LINGO2: variants seen among roughly 807,000 people sequenced by gnomAD.
The protein encoded by LINGO2 is leucine rich repeat and Ig domain containing 2, also known as leucine-rich repeat and immunoglobulin-like domain-containing nogo receptor-interacting protein 2.
LINGO2 carries 14 observed loss-of-function variants against 30.6 expected under a neutral mutation model. The observed-to-expected ratio is 0.46, with a 90% CI of 0.30 to 0.72. The LOEUF (loss-of-function observed/expected upper bound fraction) is 0.72, where lower values mean the gene tolerates loss of function less well. Among genes scored for constraint, LINGO2 ranks in the 30% least tolerant of loss-of-function variants. The probability of loss-of-function intolerance (pLI) is 0.07; values close to 1 mark genes in which losing one functional copy is unlikely to be tolerated. For synonymous variants in LINGO2, 317 were observed against 288.5 expected (o/e 1.10, Z -1.00); for missense variants, 729 against 751.7 (o/e 0.97, Z 0.35).
chr9:28,482,769 T>C (rs929443450), intron 1 of LINGO2, among the ~76,000 whole-genome samples: 2 of 152,046 alleles, frequency 1.3e-5, no homozygotes, highest in Non-Finnish European at 2.9e-5. Flanking sequence ...TAATAAATGG[T>C]GCTGGGAAAA....
intron 4 of LINGO2, among the ~76,000 whole-genome samples, chr9:28,149,919 G>T (rs1183749939): frequency 6.7e-6 from 1 of 149,390 alleles, no homozygotes; most frequent in Non-Finnish European, 1.5e-5. Context: ...CCGCCGTCCT[G>T]TCTGCGAAGT....
intron 4 of LINGO2, among the ~76,000 whole-genome samples, chr9:28,139,115 T>TA (rs1827602902): frequency 6.6e-6 from 1 of 152,164 alleles, no homozygotes; most frequent in African/African-American, 2.4e-5. Context: ...AGTGCATCAT[T>TA]ATCTGCCAGT....
At chr9:28,596,895 C>G (rs552944006) in intron 1 of LINGO2, among the ~76,000 whole-genome samples, 1 of 152,248 alleles carries the variant, frequency 6.6e-6, no homozygotes, top group African/African-American at 2.4e-5. Flanking sequence ...TATCCAGGCA[C>G]CCGGTAAACA....
At chr9:28,019,379 A>G (rs1823002476) in intron 4 of LINGO2, among the ~76,000 whole-genome samples, 1 of 151,688 alleles carries the variant, frequency 6.6e-6, no homozygotes, top group Non-Finnish European at 1.5e-5. Flanking sequence ...GCTCACCACA[A>G]CTAGTGAGTG....
chr9:28,007,713 T>A (rs1822336421), intron 5 of LINGO2, among the ~76,000 whole-genome samples: 1 of 152,058 alleles, frequency 6.6e-6, no homozygotes. Flanking sequence ...ACATCAGTGG[T>A]TTCCTAAATG....
intron 4 of LINGO2, among the ~76,000 whole-genome samples, chr9:28,015,403 T>C (rs987680599): frequency 3.3e-5 from 5 of 152,126 alleles, no homozygotes; most frequent in African/African-American, 4.8e-5. Context: ...AGGGCAATAA[T>C]GTATTGAGGA....
At chr9:28,003,382 G>GATAGATAGATAGATAT (rs1406268724) in intron 5 of LINGO2, among the ~76,000 whole-genome samples, 1 of 137,006 alleles carries the variant, frequency 7.3e-6, no homozygotes, top group African/African-American at 2.8e-5. Flanking sequence ...TAGATAGATA[G>GATAGATAGATAGATAT]ATATAGAGAG....
At chr9:28,682,490 G>C in the LINGO2 span, among the ~76,000 whole-genome samples, 1 of 152,178 alleles carries the variant, frequency 6.6e-6, no homozygotes, top group South Asian at 2.1e-4. Context: ...TATTAACACA[G>C]GATATTGCTT....
At chr9:28,579,966 G>T (rs1446805286) in intron 1 of LINGO2, among the ~76,000 whole-genome samples, 2 of 152,078 alleles carry the variant, frequency 1.3e-5, no homozygotes, top group Non-Finnish European at 2.9e-5. Flanking sequence ...GTGAAGTTGG[G>T]CAGGCTGTCA....
chr9:29,162,365 T>A, the LINGO2 span, among the ~76,000 whole-genome samples: 1 of 152,242 alleles, frequency 6.6e-6, no homozygotes. Context: ...GAAGCCACTT[T>A]ATGAATTCAT....
At chr9:28,123,670 A>G (rs1053542511) in intron 4 of LINGO2, among the ~76,000 whole-genome samples, 1 of 147,584 alleles carries the variant, frequency 6.8e-6, no homozygotes, top group Non-Finnish European at 1.5e-5. Flanking sequence ...AAAATATTTG[A>G]TTTTTTTTTT....
chr9:28,998,073 C>T, the LINGO2 span, among the ~76,000 whole-genome samples: 1 of 152,172 alleles, frequency 6.6e-6, no homozygotes, highest in East Asian at 1.9e-4. Context: ...AGATTTGAAC[C>T]TAGGTCTCTT....
At chr9:28,894,551 T>G in the LINGO2 span, among the ~76,000 whole-genome samples, 1 of 151,968 alleles carries the variant, frequency 6.6e-6, no homozygotes, top group African/African-American at 2.4e-5. Flanking sequence ...TCTTCTTTTT[T>G]AGTTTATTTT....
At chr9:28,883,628 G>GTGTGTGTGTA in the LINGO2 span, among the ~76,000 whole-genome samples, 19 of 64,172 alleles carry the variant, frequency 3.0e-4, no homozygotes, top group East Asian at 1.5e-3. Flanking sequence ...ATGTGTGTGT[G>GTGTGTGTGTA]TATATATATA....
At chr9:28,401,118 C>T (rs553462111) in intron 2 of LINGO2, among the ~76,000 whole-genome samples, 31 of 152,178 alleles carry the variant, frequency 2.0e-4, no homozygotes, top group African/African-American at 7.5e-4. Context: ...AAGTGAAAGA[C>T]ATGTAGTGAC....
At position 28,470,053 on chromosome 9, in the gene LINGO2, C is replaced by T. The variant is rs563239566; in HGVS notation, c.-279+5887G>A. 5.3e-5 allele frequency among the ~76,000 whole-genome samples: 8 copies of T among 152,038 alleles called. No individual in the cohort carries two copies. In the South Asian group the frequency reaches 8.3e-4, roughly 16 times the overall value. ...CCCTTTATGTATATGTATATATAGA[C>T]GTAATTTGTGAAATCAATAACATAA... On this transcript the variant is annotated intron_variant, in intron 2 of 5. Coordinates refer to ENST00000379992, the Ensembl canonical transcript of LINGO2.
the LINGO2 span, among the ~76,000 whole-genome samples, chr9:28,897,122 C>G: frequency 6.6e-6 from 1 of 152,124 alleles, no homozygotes; most frequent in African/African-American, 2.4e-5. Context: ...TAATGTGTTA[C>G]TACATAGTTT....
chr9:28,920,670 G>C, the LINGO2 span, among the ~76,000 whole-genome samples: 1 of 152,110 alleles, frequency 6.6e-6, no homozygotes, highest in Non-Finnish European at 1.5e-5. Context: ...AAAGAATGTA[G>C]TAAGTCCTTG....
chr9:29,167,312 A>G, the LINGO2 span, among the ~76,000 whole-genome samples: 1 of 152,102 alleles, frequency 6.6e-6, no homozygotes, highest in Non-Finnish European at 1.5e-5. Flanking sequence ...GAATATTCAT[A>G]ATGCAGGAAA....
Sources: allele counts gnomAD v4.1 joint callset (sites outside exome capture counted in the v4.1 genomes callset), GRCh38; gene constraint gnomAD v4.1.1; transcripts MANE v1.5; gene names NCBI Gene and HGNC (gene_info 2026-07-23, HGNC 2026-07-21).